Variants in YBEY observed in about 807,000 individuals in gnomAD.
YBEY encodes the protein endoribonuclease YbeY.
Under a neutral mutation model 13.5 loss-of-function variants are expected in YBEY, and 15 were observed. The ratio of observed to expected loss-of-function variants is 1.11; its 90% CI spans 0.75 to 1.72. The LOEUF (loss-of-function observed/expected upper bound fraction) is 1.72. Among genes scored for constraint, YBEY ranks in the 40% most tolerant of loss-of-function variants. The pLI is 0.00. For synonymous variants in YBEY, 101 were observed against 83.1 expected (o/e 1.21, Z -1.17); for missense variants, 244 against 208.4 (o/e 1.17, Z -1.05).
chr21:46,287,454 G>A (rs2081499578), intron 2 of YBEY, among the ~76,000 whole-genome samples: 1 of 152,048 alleles, frequency 6.6e-6, no homozygotes, highest in Admixed American at 6.6e-5. Context: ...CCTGCCTCGG[G>A]CTTCCCAGAG....
chr21:46,299,022 G>A (rs991254182), downstream of YBEY, among the ~76,000 whole-genome samples: 4 of 150,268 alleles, frequency 2.7e-5, no homozygotes, highest in South Asian at 2.1e-4. Flanking sequence ...CACCGTGTCC[G>A]GCCCAATCCT....
At chr21:46,300,512 T>G, downstream of YBEY, 1 of 356,480 alleles carries the variant, frequency 2.8e-6, no homozygotes, top group East Asian at 1.1e-4. Flanking sequence ...GTCTGAGCTT[T>G]GGTTTGAGCT....
chr21:46,299,456 C>T (rs569118422), downstream of YBEY, among the ~76,000 whole-genome samples: 65 of 152,230 alleles, frequency 4.3e-4, no homozygotes, highest in African/African-American at 1.5e-3. Context: ...CCATACTGCC[C>T]TGATTCTGGA....
downstream of YBEY, among the ~76,000 whole-genome samples, chr21:46,299,690 C>T (rs1313695053): frequency 3.3e-5 from 5 of 152,066 alleles, no homozygotes; most frequent in African/African-American, 4.8e-5. Context: ...TCATCTTCAA[C>T]CTCTCTCAGT....
chr21:46,306,174 T>C, the YBEY span, among the ~76,000 whole-genome samples: 4 of 151,902 alleles, frequency 2.6e-5, no homozygotes, highest in East Asian at 1.9e-4. Context: ...ATAAAATGAC[T>C]GTCAATCTAG....
At chr21:46,303,747 T>TATATATATATGTATA in the YBEY span, among the ~76,000 whole-genome samples, 1 of 10,882 alleles carries the variant, frequency 9.2e-5, no homozygotes, top group Admixed American at 1.7e-3. Context: ...ATATATATAT[T>TATATATATATGTATA]TTTTTTTTTT....
At chr21:46,302,600 C>G (rs746570206), downstream of YBEY, 7 of 1,584,538 alleles carry the variant, frequency 4.4e-6, no homozygotes, top group Non-Finnish European at 6.0e-6. Flanking sequence ...GCAGGGGGAC[C>G]CTGAATAAAG....
chr21:46,301,867 C>T (rs914529566), downstream of YBEY: 2 of 1,302,740 alleles, frequency 1.5e-6, no homozygotes, highest in Admixed American at 3.9e-5. Context: ...AGCCTGCAGT[C>T]CACACTCGCG....
At chr21:46,302,201 C>A, downstream of YBEY, 1 of 1,435,136 alleles carries the variant, frequency 7.0e-7, no homozygotes, top group South Asian at 1.5e-5. Flanking sequence ...AGGCTGCTCC[C>A]CACCTCCACT....
chr21:46,295,963 C>T (rs568074646), intron 3 of YBEY, among the ~76,000 whole-genome samples, 199 bp from the exon 4 acceptor site: 1 of 152,260 alleles, frequency 6.6e-6, no homozygotes, highest in East Asian at 1.9e-4. Flanking sequence ...ACTAAAGACT[C>T]TCAAAGGGGC....
the YBEY span, among the ~76,000 whole-genome samples, chr21:46,307,042 C>G: frequency 6.6e-6 from 1 of 152,068 alleles, no homozygotes; most frequent in South Asian, 2.1e-4. Context: ...ATTACAGGCG[C>G]CCACCACCAC....
chr21:46,286,725 C>A, intron 1 of YBEY, 145 bp from the exon 2 acceptor site: 1 of 585,180 alleles, frequency 1.7e-6, no homozygotes, highest in Non-Finnish European at 2.9e-6. Context: ...CTCGTTGTTG[C>A]TTCCTCCTTG....
downstream of YBEY, among the ~76,000 whole-genome samples, chr21:46,298,694 G>A (rs952155967): frequency 1.3e-5 from 2 of 151,868 alleles, no homozygotes; most frequent in South Asian, 4.2e-4. Context: ...CTCCCAAAGT[G>A]CTGGGATTAC....
the YBEY span, among the ~76,000 whole-genome samples, chr21:46,308,220 T>C: frequency 6.6e-6 from 1 of 152,028 alleles, no homozygotes; most frequent in Non-Finnish European, 1.5e-5. Flanking sequence ...CCCAGCACTT[T>C]GGGAGGCCGA....
chr21:46,311,637 A>G, the YBEY span: 2 of 852,968 alleles, frequency 2.3e-6, no homozygotes, highest in African/African-American at 3.4e-5. Context: ...TCTACCACCC[A>G]TCCATCCACC....
At chr21:46,303,733 ATATATATATATATTTTT>A in the YBEY span, among the ~76,000 whole-genome samples, 3 of 32,230 alleles carry the variant, frequency 9.3e-5, no homozygotes, top group African/African-American at 1.4e-4. Context: ...ATATATATAT[ATATATATATATATTTTT>A]TTTTTTTTTT....
intron 3 of YBEY, chr21:46,291,667 G>A (rs1569097693): frequency 7.4e-6 from 10 of 1,351,648 alleles, no homozygotes; most frequent in South Asian, 7.1e-5. Context: ...GAGAGAACAC[G>A]CTGTGAAAAC....
chr21:46,301,650 G>A (rs1569111587), downstream of YBEY: 2 of 1,099,020 alleles, frequency 1.8e-6, no homozygotes, highest in Non-Finnish European at 2.2e-6. Context: ...GGCGTCCACG[G>A]CCTCAACTTT....
At chr21:46,291,660 A>C in intron 3 of YBEY, 198 bp downstream of exon 3, 1 of 1,369,330 alleles carries the variant, frequency 7.3e-7, no homozygotes, top group Non-Finnish European at 9.4e-7. Flanking sequence ...AAGGAGGGAG[A>C]GAACACGCTG....
Sources: gnomAD v4.1 joint callset for allele counts (sites outside exome capture counted in the v4.1 genomes callset) on GRCh38, gnomAD v4.1.1 for gene constraint, MANE v1.5 for transcripts, NCBI Gene and HGNC (gene_info 2026-07-23, HGNC 2026-07-21) for gene names.